The following YAF2 variants were observed in gnomAD, a reference collection of about 807,000 sequenced individuals.
YAF2 encodes YY1-associated factor 2.
YAF2 carries 7 observed loss-of-function variants against 20.1 expected under a neutral mutation model. The observed-to-expected ratio is 0.35, with a 90% CI of 0.20 to 0.65. YAF2 has a LOEUF of 0.65. YAF2 is among the 30% of genes least tolerant of loss of function. The pLI, the probability that YAF2 is intolerant of heterozygous loss-of-function variation, is 0.69. For synonymous variants in YAF2, 74 were observed against 76.0 expected (o/e 0.97, Z 0.14); for missense variants, 151 against 219.2 (o/e 0.69, Z 1.96).
At chr12:42,200,880 T>A (rs527940246) in intron 2 of YAF2, among the ~76,000 whole-genome samples, 2 of 152,210 alleles carry the variant, frequency 1.3e-5, no homozygotes, top group African/African-American at 4.8e-5. Context: ...TTACTAGCTA[T>A]GAGAGTGAGT....
At chr12:42,222,603 T>C (rs901158327) in intron 2 of YAF2, among the ~76,000 whole-genome samples, 8 of 152,328 alleles carry the variant, frequency 5.3e-5, no homozygotes, top group Middle Eastern at 3.4e-3. Context: ...GTTAAATTTA[T>C]ATATATTCAA....
chr12:42,230,589 G>A (rs1253842484), intron 2 of YAF2, among the ~76,000 whole-genome samples: 2 of 152,172 alleles, frequency 1.3e-5, no homozygotes, highest in Admixed American at 6.5e-5. Flanking sequence ...AATAGTTCAT[G>A]ACAGAAGTGA....
At chr12:42,175,590 CG>C (rs1413486499) in intron 2 of YAF2, among the ~76,000 whole-genome samples, 1 of 147,408 alleles carries the variant, frequency 6.8e-6, no homozygotes, top group Non-Finnish European at 1.5e-5. Context: ...CAAATTAAAA[CG>C]GGAGGCCAGG....
intron 2 of YAF2, chr12:42,210,290 CCTT>C: frequency 9.7e-6 from 10 of 1,033,998 alleles, no homozygotes; most frequent in African/African-American, 1.6e-5. Context: ...TAAACAAACT[CCTT>C]CTCAAGGGAC....
intron 2 of YAF2, among the ~76,000 whole-genome samples, chr12:42,208,312 G>A (rs772659778): frequency 1.3e-5 from 2 of 152,034 alleles, no homozygotes; most frequent in Non-Finnish European, 2.9e-5. Context: ...TGTAATCCCA[G>A]CTACTTGGGA....
Position 42,159,226 on chromosome 12 carries a change from A to C in YAF2, c.*1363T>G, listed in dbSNP as rs1316512783. The C allele has an allele frequency of 1.3e-5, 2 of 152,090 alleles. No individual in the cohort carries two copies. The highest frequency in any genetic ancestry group is 6.6e-5 in the Admixed American group (1 of 15,258). The allele number at this position is 152,090 out of a possible 1,614,324, so 9.4% of individuals were successfully genotyped here. ...GTCTACAGTTTTATTTTTTCTTCAA[A>C]TGTTATCATGATGTCTTATGTGATA... On this transcript the variant is annotated 3_prime_UTR_variant, in exon 4 of 4. Coordinates refer to ENST00000534854, the MANE Select transcript of YAF2 (RefSeq NM_005748.6).
intron 2 of YAF2, among the ~76,000 whole-genome samples, chr12:42,174,603 G>C (rs1403516885): frequency 3.3e-5 from 5 of 152,118 alleles, no homozygotes; most frequent in Non-Finnish European, 7.4e-5. Flanking sequence ...AGCAACACCA[G>C]GTACCTCTTA....
intron 2 of YAF2, among the ~76,000 whole-genome samples, chr12:42,190,772 T>A (rs1373269960): frequency 6.6e-6 from 1 of 152,116 alleles, no homozygotes; most frequent in African/African-American, 2.4e-5. Context: ...GGGACAATAA[T>A]TTTACATTTT....
At chr12:42,169,636 C>A (rs2136988558) in intron 2 of YAF2, among the ~76,000 whole-genome samples, 1 of 152,224 alleles carries the variant, frequency 6.6e-6, no homozygotes. Flanking sequence ...TGGTCTCAAA[C>A]TCCTGGACTC....
At chr12:42,224,038 AAAAT>A (rs761056288) in intron 2 of YAF2, among the ~76,000 whole-genome samples, 250 of 152,278 alleles carry the variant, frequency 1.6e-3, no homozygotes, top group Middle Eastern at 3.4e-3. Context: ...AAGTTAAAGT[AAAAT>A]AAATAAATAA....
chr12:42,202,820 A>G (rs1042020373), intron 2 of YAF2, among the ~76,000 whole-genome samples: 3 of 151,920 alleles, frequency 2.0e-5, no homozygotes, highest in Admixed American at 6.6e-5. Flanking sequence ...TGTTTTTAGT[A>G]GAGATGGGGT....
chr12:42,163,285 G>A (rs1257174955), intron 2 of YAF2, among the ~76,000 whole-genome samples: 1 of 152,078 alleles, frequency 6.6e-6, no homozygotes, highest in Admixed American at 6.6e-5. Flanking sequence ...CAGATAAGAA[G>A]GGATCCCATG....
At chr12:42,172,497 G>A (rs1290701153) in intron 2 of YAF2, among the ~76,000 whole-genome samples, 1 of 152,070 alleles carries the variant, frequency 6.6e-6, no homozygotes, top group African/African-American at 2.4e-5. Flanking sequence ...GCCAACATGA[G>A]ACCTGAATTT....
intron 2 of YAF2, among the ~76,000 whole-genome samples, chr12:42,184,586 A>G (rs1014832166): frequency 6.6e-6 from 1 of 152,240 alleles, no homozygotes; most frequent in South Asian, 2.1e-4. Context: ...CCGGGATTAC[A>G]GGCATGAACC....
At chr12:42,207,349 C>T (rs575920730) in intron 2 of YAF2, among the ~76,000 whole-genome samples, 277 of 152,248 alleles carry the variant, frequency 1.8e-3, no homozygotes, top group Middle Eastern at 6.8e-3. Flanking sequence ...CTAAGATATT[C>T]AAACTGCAAA....
intron 2 of YAF2, among the ~76,000 whole-genome samples, chr12:42,223,095 G>C (rs1205979256): frequency 6.6e-6 from 1 of 152,056 alleles, no homozygotes; most frequent in Non-Finnish European, 1.5e-5. Context: ...TATGAGACTG[G>C]TGAAGAAGGT....
intron 2 of YAF2, among the ~76,000 whole-genome samples, chr12:42,168,145 T>A (rs981598322): frequency 6.6e-6 from 1 of 151,632 alleles, no homozygotes; most frequent in Non-Finnish European, 1.5e-5. Flanking sequence ...AACTTTCCCA[T>A]CACGTCTATC....
intron 2 of YAF2, among the ~76,000 whole-genome samples, chr12:42,208,562 A>G (rs902385256): frequency 2.6e-5 from 4 of 152,226 alleles, no homozygotes; most frequent in African/African-American, 9.6e-5. Context: ...AGATCAATCT[A>G]TAGCCAAACA....
At chr12:42,202,797 C>G (rs1252359211) in intron 2 of YAF2, among the ~76,000 whole-genome samples, 1 of 152,086 alleles carries the variant, frequency 6.6e-6, no homozygotes, top group Non-Finnish European at 1.5e-5. Context: ...TGCCACCATG[C>G]CCAGCTAATT....
Sources: gnomAD v4.1 joint callset for allele counts (sites outside exome capture counted in the v4.1 genomes callset) on GRCh38, gnomAD v4.1.1 for gene constraint, MANE v1.5 for transcripts, NCBI Gene and HGNC (gene_info 2026-07-23, HGNC 2026-07-21) for gene names.